UBL7: variants seen among roughly 807,000 people sequenced by gnomAD.
UBL7 encodes the protein ubiquitin-like protein 7.
A neutral mutation model predicts 41.7 loss-of-function variants in UBL7; 21 were observed. That is an observed-to-expected ratio of 0.50 (90% CI 0.36 to 0.73). The LOEUF (loss-of-function observed/expected upper bound fraction) is 0.73, where lower values mean the gene tolerates loss of function less well. Ranked by LOEUF, UBL7 falls within the 30% of genes least tolerant of loss-of-function variation. The pLI, the probability that UBL7 is intolerant of heterozygous loss-of-function variation, is 0.00. For missense variants in UBL7, 403 were observed against 478.4 expected (o/e 0.84, Z 1.47); for synonymous variants, 157 against 186.9 (o/e 0.84, Z 1.31).
intron 4 of UBL7, among the ~76,000 whole-genome samples, 192 bp from the exon 5 acceptor site, chr15:74,451,712 T>C (rs964738619): frequency 1.3e-5 from 2 of 150,950 alleles, no homozygotes; most frequent in African/African-American, 4.9e-5. Flanking sequence ...AACAAACAAT[T>C]TAAAAAAAAA....
chr15:74,450,131 G>A, intron 6 of UBL7, 62 bp from the exon 7 acceptor site: 2 of 1,513,322 alleles, frequency 1.3e-6, no homozygotes, highest in South Asian at 2.6e-5. Context: ...AGCCATAACA[G>A]GAGTTCTGGG....
intron 3 of UBL7, among the ~76,000 whole-genome samples, chr15:74,455,068 A>G (rs572545013): frequency 2.0e-5 from 3 of 152,320 alleles, no homozygotes; most frequent in Admixed American, 6.5e-5. Flanking sequence ...ATGATCCCCA[A>G]AAGGATTCCA....
Position 74,452,282 on chromosome 15 carries a change from C to A in UBL7, c.387+14G>T, listed in dbSNP as rs1285776214. The stretch of plus-strand genomic sequence containing the variant: ...CTCCTACAGTCCTGGCTGGGGGCCG[C>A]AGCACACACTCACCGCCTCCCTGTA... On this transcript the variant is annotated intron_variant, in intron 4 of 10. Coordinates refer to ENST00000395081, the MANE Select transcript of UBL7 (RefSeq NM_032907.5). The A allele has an allele frequency of 3.2e-6, 5 of 1,552,080 alleles. No homozygotes were observed. Among genetic ancestry groups the A allele is most frequent in the Non-Finnish European group, 4.4e-6 (5 of 1,146,870 alleles).
At position 74,449,620 on chromosome 15, in the gene UBL7, A is replaced by G; in HGVS notation, c.714+6T>C. Reference sequence around the variant, plus strand: ...AGCATGTCAGGCAGGCAGGCAGGCCACTTACTGGGTGAAAGTCATCCTCAT... The same window carrying G: ...AGCATGTCAGGCAGGCAGGCAGGCCGCTTACTGGGTGAAAGTCATCCTCAT... On this transcript the variant is annotated splice_donor_region_variant and intron_variant, in intron 8 of 10. Coordinates refer to ENST00000395081, the MANE Select transcript of UBL7 (RefSeq NM_032907.5). 6.2e-7 allele frequency: 1 copy of G among 1,614,108 alleles called. No homozygotes were observed.
rs981932230 is a variant in UBL7 at position 74,446,894 on chromosome 15, C to T, written c.1006-667G>A. ...CTTCATTAATATCTCTATTTCATGA[C>T]AGCAGGGATGAGCACAATTTAGGGA... On this transcript the variant is annotated intron_variant, in intron 10 of 10. Coordinates refer to ENST00000395081, the MANE Select transcript of UBL7 (RefSeq NM_032907.5). The surrounding 1 kb of genome is among the most constrained non-coding windows in gnomAD (Gnocchi z 4.1). 2.5e-4 allele frequency among the ~76,000 whole-genome samples: 38 copies of T among 152,208 alleles called. No homozygotes were observed. The highest frequency in any genetic ancestry group is 8.4e-4 in the African/African-American group (35 of 41,520).
Position 74,449,069 on chromosome 15 carries a change from C to T in UBL7, c.882+117G>A, listed in dbSNP as rs1002372471. ...CAGTAAGAAATCCCCACCAGGACTC[C>T]AGGGTTCAGCTTAAACTAGATCTAG... is the stretch of plus-strand genomic sequence containing the variant. On this transcript the variant is annotated intron_variant, in intron 9 of 10. Coordinates refer to ENST00000395081, the MANE Select transcript of UBL7 (RefSeq NM_032907.5). 3 of 1,277,486 alleles carry T rather than the reference C, an allele frequency of 2.3e-6. No individual in the cohort carries two copies. The Admixed American group carries it at 8.1e-5, about 35-fold the overall frequency. The allele number at this position is 1,277,486 out of a possible 1,614,324, so 79.1% of individuals were successfully genotyped here.
Position 74,449,246 on chromosome 15 carries a change from G to T in UBL7, c.822C>A (p.Thr274=), listed in dbSNP as rs148874296. Residue 274 remains threonine (T), a synonymous_variant, in exon 9 of 11, where the codon ACC becomes ACA. Transcript: ENST00000395081. ...PRPITQSELA[T]ALALASTPES... is the part of the protein sequence containing the mutation. ...CCGGAGTGCTGGCCAGGGCCAAGGC[G>T]GTGGCCAGCTCACTCTGGGTGATGG... 1 of 1,609,720 alleles carries T rather than the reference G, an allele frequency of 6.2e-7. No homozygotes were observed. Among genetic ancestry groups the T allele is most frequent in the Non-Finnish European group, 8.5e-7 (1 of 1,178,360 alleles).
intron 3 of UBL7, among the ~76,000 whole-genome samples, chr15:74,453,116 G>A (rs1415422302): frequency 1.3e-5 from 2 of 152,170 alleles, no homozygotes; most frequent in Admixed American, 6.5e-5. Flanking sequence ...CCAAAGCAAG[G>A]TGAATAGCAC....
In UBL7 at chr15:74,446,132, G is replaced by C. The variant is rs778561884; in HGVS notation, c.1101C>G (p.Ile367Met). 6.2e-7 allele frequency: 1 copy of C among 1,614,104 alleles called. No individual in the cohort carries two copies. The highest frequency in any genetic ancestry group is 8.5e-7 in the Non-Finnish European group (1 of 1,180,018). Residue 367 changes from isoleucine to methionine, a missense_variant, in exon 11 of 11, where the codon ATC (isoleucine) becomes ATG (methionine). By Grantham distance (10) the Ile-to-Met change is conservative. Coordinates refer to ENST00000395081, the MANE Select transcript of UBL7 (RefSeq NM_032907.5). This position sits in a 1 kb window ranked among gnomAD's most constrained non-coding sequence, Gnocchi z 4.1. ...LRALQATGGD[I>M]QAALELIFAG... Reference sequence around the variant, plus strand: ...CAAAGATGAGCTCCAGGGCTGCTTGGATGTCCCCACCGGTGGCCTGCAGGG... The same window carrying C: ...CAAAGATGAGCTCCAGGGCTGCTTGCATGTCCCCACCGGTGGCCTGCAGGG...
chr15:74,461,053 G>C lies in UBL7; in HGVS notation c.-46C>G, dbSNP rs1023419415. ...CGACCTCACCGCTCCAGTGGGACCAGCTACTTGGCTGACACACATCGAGCC... is the reference window on the plus strand; with the variant it reads ...CGACCTCACCGCTCCAGTGGGACCACCTACTTGGCTGACACACATCGAGCC... On this transcript the variant is annotated 5_prime_UTR_variant, in exon 1 of 11. Transcript: ENST00000395081. 12 of 1,036,458 alleles carry C rather than the reference G, an allele frequency of 1.2e-5. No individual in the cohort carries two copies. In the African/African-American group the frequency reaches 1.5e-4, roughly 13 times the overall value. The allele number at this position is 1,036,458 out of a possible 1,614,324, so 64.2% of individuals were successfully genotyped here.
At chr15:74,449,393 G>T in intron 8 of UBL7, 40 bp from the exon 9 acceptor site, 1 of 1,609,150 alleles carries the variant, frequency 6.2e-7, no homozygotes. Flanking sequence ...AAGCAGTACT[G>T]TGAAACTCCC....
At chr15:74,456,526 C>G in intron 3 of UBL7, 26 bp downstream of exon 3, 1 of 1,612,214 alleles carries the variant, frequency 6.2e-7, no homozygotes, top group Non-Finnish European at 8.5e-7. Flanking sequence ...GAAACTCTGC[C>G]TGCCTAAGGG....
Position 74,449,964 on chromosome 15 carries a change from C to A in UBL7, c.636G>T (p.Met212Ile). 6.2e-7 allele frequency: 1 copy of A among 1,612,966 alleles called. No homozygotes were observed. The highest frequency in any genetic ancestry group is 8.5e-7 in the Non-Finnish European group (1 of 1,179,586). Reference sequence around the variant, plus strand: ...GCATATCCCGGTATGAGCTGGAGGGCATGCTCCGGGAAGAGGAGTCAGTCC... The same window carrying A: ...GCATATCCCGGTATGAGCTGGAGGGAATGCTCCGGGAAGAGGAGTCAGTCC... ...MPGTDSSSRS[M>I]PSSSYRDMPG... Residue 212 changes from methionine to isoleucine, a missense_variant, in exon 7 of 11, where the codon ATG becomes ATT. Transcript: ENST00000395081.
chr15:74,452,773 G>A (rs1290959688), intron 3 of UBL7, among the ~76,000 whole-genome samples: 3 of 152,086 alleles, frequency 2.0e-5, no homozygotes, highest in African/African-American at 4.8e-5. Flanking sequence ...ATGCAGTGGC[G>A]CAATCTCGGC....
chr15:74,456,363 G>GT (rs1487253593), intron 3 of UBL7, among the ~76,000 whole-genome samples, 189 bp downstream of exon 3: 1 of 152,148 alleles, frequency 6.6e-6, no homozygotes, highest in Admixed American at 6.6e-5. Flanking sequence ...GATGCCGGCA[G>GT]TAAGAAGGTC....
intron 6 of UBL7, 147 bp from the exon 7 acceptor site, chr15:74,450,216 C>T: frequency 9.7e-7 from 1 of 1,030,252 alleles, no homozygotes. Context: ...CACCAGGAAG[C>T]TTTATCCTCC....
chr15:74,459,508 G>A (rs2061327558), intron 1 of UBL7, among the ~76,000 whole-genome samples: 1 of 148,736 alleles, frequency 6.7e-6, no homozygotes, highest in African/African-American at 2.5e-5. Flanking sequence ...TAGTAGAGAC[G>A]GGGTTTCACT....
At chr15:74,456,466 C>T in intron 3 of UBL7, 86 bp downstream of exon 3, 1 of 1,548,898 alleles carries the variant, frequency 6.5e-7, no homozygotes, top group Non-Finnish European at 8.8e-7. Context: ...TTTGTTCCAC[C>T]CAGGCTTGTG....
At position 74,450,798 on chromosome 15, in the gene UBL7, TTA is replaced by T; in HGVS notation, c.530+2_530+3del. On this transcript the variant is annotated splice_donor_variant and splice_donor_region_variant and intron_variant, in intron 6 of 10. Coordinates refer to ENST00000395081, the MANE Select transcript of UBL7 (RefSeq NM_032907.5). LOFTEE classifies it high-confidence loss of function. The stretch of plus-strand genomic sequence containing the variant: ...GTACCCTCTAATAGGACAGGTACAC[TTA>T]CGTATCAAGCATATTGGGATCAGCG... The T allele has an allele frequency of 6.2e-7, 1 of 1,613,232 alleles. No individual in the cohort carries two copies. Among genetic ancestry groups the T allele is most frequent in the African/African-American group, 1.3e-5 (1 of 74,982 alleles).
Sources: allele counts gnomAD v4.1 joint callset (sites outside exome capture counted in the v4.1 genomes callset), GRCh38; gene constraint gnomAD v4.1.1; non-coding constraint Gnocchi (gnomAD v3.1); transcripts MANE v1.5; gene names NCBI Gene and HGNC (gene_info 2026-07-23, HGNC 2026-07-21).